The following ATAD5 variants were observed in gnomAD, a reference collection of about 807,000 sequenced individuals.
ATAD5 encodes ATPase family AAA domain-containing protein 5.
In ATAD5, 58 loss-of-function variants were observed where a neutral mutation model predicts 176.9. The observed-to-expected ratio is 0.33, with a 90% CI of 0.27 to 0.41. The LOEUF is 0.41. Ranked by LOEUF, ATAD5 falls within the 10% of genes least tolerant of loss-of-function variation. The pLI, the probability that ATAD5 is intolerant of heterozygous loss-of-function variation, is 1.00. For missense variants in ATAD5, 1,789 were observed against 2,094.1 expected (o/e 0.85, Z 2.84); for synonymous variants, 640 against 712.6 (o/e 0.90, Z 1.62).
intron 18 of ATAD5, among the ~76,000 whole-genome samples, chr17:30,883,385 C>T (rs1909138658): frequency 6.6e-6 from 1 of 152,078 alleles, no homozygotes; most frequent in African/African-American, 2.4e-5. Context: ...CCTCAGCCTC[C>T]CGAAGTGCTG....
intron 3 of ATAD5, among the ~76,000 whole-genome samples, chr17:30,839,932 C>T (rs1021201620): frequency 1.4e-4 from 21 of 151,478 alleles, no homozygotes; most frequent in Non-Finnish European, 2.5e-4. Flanking sequence ...GGTGTGGTGG[C>T]TCACGCCTGT....
At chr17:30,858,558 G>C (rs1326982160) in intron 9 of ATAD5, among the ~76,000 whole-genome samples, 1 of 151,312 alleles carries the variant, frequency 6.6e-6, no homozygotes, top group Non-Finnish European at 1.5e-5. Flanking sequence ...GCTAATTTTT[G>C]TATTTTTAGT....
intron 18 of ATAD5, among the ~76,000 whole-genome samples, chr17:30,880,009 T>C (rs1379774453): frequency 6.7e-6 from 1 of 150,138 alleles, no homozygotes; most frequent in Admixed American, 6.7e-5. Flanking sequence ...GGTCAATCAA[T>C]CAATCAATAA....
intron 1 of ATAD5, among the ~76,000 whole-genome samples, chr17:30,832,994 G>A (rs534896940): frequency 6.6e-6 from 1 of 152,316 alleles, no homozygotes; most frequent in East Asian, 1.9e-4. Flanking sequence ...AGATTCTAAT[G>A]CCATGAAGTA....
At chr17:30,868,838 T>A (rs1369366838) in intron 12 of ATAD5, among the ~76,000 whole-genome samples, 2 of 150,172 alleles carry the variant, frequency 1.3e-5, no homozygotes, top group African/African-American at 4.9e-5. Flanking sequence ...TATTTTATAT[T>A]TGATTTTCTA....
At chr17:30,870,728 T>C (rs1377698449) in intron 14 of ATAD5, among the ~76,000 whole-genome samples, 1 of 152,154 alleles carries the variant, frequency 6.6e-6, no homozygotes, top group African/African-American at 2.4e-5. Flanking sequence ...CAGTGAGTTT[T>C]TGTGTAGTTT....
Position 30,854,852 on chromosome 17 carries a change from A to T in ATAD5, c.2451-291A>T, listed in dbSNP as rs902903086. On this transcript the variant is annotated intron_variant, in intron 6 of 22. Transcript: ENST00000321990. The stretch of plus-strand genomic sequence containing the variant: ...TGACTCACTGCAACCTCTGCTTTCC[A>T]GGCTCAAGTGATTCTCGTGCCTCAG... 1.1e-4 allele frequency among the ~76,000 whole-genome samples: 17 copies of T among 152,078 alleles called. No individual in the cohort carries two copies. The South Asian group carries it at 3.1e-3, about 28-fold the overall frequency.
At position 30,893,384 on chromosome 17, in the gene ATAD5, CTT is replaced by C; in HGVS notation, c.4532_4533del (p.Leu1511ArgfsTer9). 6.2e-7 allele frequency: 1 copy of C among 1,609,816 alleles called. No individual in the cohort carries two copies. The highest frequency in any genetic ancestry group is 8.5e-7 in the Non-Finnish European group (1 of 1,178,532). On this transcript the variant is annotated frameshift_variant, in exon 21 of 23. Transcript: ENST00000321990. LOFTEE classifies it high-confidence loss of function. ...GAATGTAGATTTTTTATATAGTAAT[CTT>C]GAGTTTATTCTACCATTACCAGTTG... is the stretch of plus-strand genomic sequence containing the variant. ...MRNVDFLYSN[L>X]EFILPLPVDT... is the part of the protein sequence containing the mutation.
chr17:30,855,530 C>T (rs920310134), intron 7 of ATAD5, among the ~76,000 whole-genome samples: 5 of 151,986 alleles, frequency 3.3e-5, no homozygotes, highest in Non-Finnish European at 7.4e-5. Context: ...CATGGATGCT[C>T]AAGTTTCTTG....
intron 9 of ATAD5, among the ~76,000 whole-genome samples, chr17:30,860,081 T>G (rs1237511738): frequency 6.6e-6 from 1 of 151,944 alleles, no homozygotes; most frequent in Non-Finnish European, 1.5e-5. Flanking sequence ...TAGAGTACAG[T>G]GGTGTTTTCA....
At chr17:30,853,160 G>A (rs1907071296) in intron 6 of ATAD5, among the ~76,000 whole-genome samples, 2 of 152,082 alleles carry the variant, frequency 1.3e-5, no homozygotes, top group African/African-American at 2.4e-5. Context: ...AAAGTGCTGG[G>A]ATTACAGGCA....
intron 1 of ATAD5, 134 bp downstream of exon 1, chr17:30,832,547 C>G (rs1307804110): frequency 3.7e-5 from 31 of 838,230 alleles, no homozygotes; most frequent in Non-Finnish European, 5.2e-5. Flanking sequence ...AGCTGTGACA[C>G]ATTGTGTGCA....
At chr17:30,855,045 CA>C in intron 6 of ATAD5, 97 bp from the exon 7 acceptor site, 1 of 1,135,050 alleles carries the variant, frequency 8.8e-7, no homozygotes. Flanking sequence ...AGGCATGAGC[CA>C]CCATGCCCAG....
At chr17:30,894,487 A>G (rs1288155143) in intron 21 of ATAD5, 77 bp from the exon 22 acceptor site, 1 of 1,425,984 alleles carries the variant, frequency 7.0e-7, no homozygotes, top group African/African-American at 1.4e-5. Context: ...GAGGCAAGGA[A>G]ACTAAACTGG....
At chr17:30,869,070 C>G (rs769922359) in intron 12 of ATAD5, among the ~76,000 whole-genome samples, 178 bp from the exon 13 acceptor site, 2 of 152,040 alleles carry the variant, frequency 1.3e-5, no homozygotes, top group African/African-American at 2.4e-5. Flanking sequence ...TTGTGATCTG[C>G]CCGCCTCAGC....
At chr17:30,864,372 G>A (rs1252182701) in intron 10 of ATAD5, 2 of 152,112 alleles carry the variant, frequency 1.3e-5, no homozygotes, top group East Asian at 1.9e-4. Context: ...TCAACTCAAG[G>A]GGCACATATG....
intron 21 of ATAD5, among the ~76,000 whole-genome samples, 169 bp from the exon 22 acceptor site, chr17:30,894,395 T>C (rs1909806129): frequency 6.7e-6 from 1 of 150,116 alleles, no homozygotes; most frequent in South Asian, 2.2e-4. Flanking sequence ...TCTTGCTGTA[T>C]AGTTATTGAG....
At position 30,865,662 on chromosome 17, in the gene ATAD5, G is replaced by A. The variant is rs773337021; in HGVS notation, c.3137-42G>A. 250 of 1,233,208 alleles carry A rather than the reference G, an allele frequency of 2.0e-4. 2 individuals carry two copies. Among genetic ancestry groups the A allele is most frequent in the East Asian group, 5.7e-4 (22 of 38,858 alleles). The allele number at this position is 1,233,208 out of a possible 1,614,324, so 76.4% of individuals were successfully genotyped here. A position where few individuals can be genotyped will look rare whatever the true frequency, so the allele number is the denominator to read the frequency against. ...TGACTAATAATTCATATATGTTTAT[G>A]TCAAGGAATGAATACCTTAATTTTT... On this transcript the variant is annotated intron_variant, in intron 10 of 22. Transcript: ENST00000321990.
intron 6 of ATAD5, among the ~76,000 whole-genome samples, chr17:30,845,698 G>A (rs1335506093): frequency 1.3e-5 from 2 of 152,278 alleles, no homozygotes; most frequent in East Asian, 3.9e-4. Context: ...AACAGATTTG[G>A]ATTTTAGAAG....
Sources: allele counts gnomAD v4.1 joint callset (sites outside exome capture counted in the v4.1 genomes callset), GRCh38; gene constraint gnomAD v4.1.1; transcripts MANE v1.5; gene names NCBI Gene and HGNC (gene_info 2026-07-23, HGNC 2026-07-21).